Variants in CACNB2 observed in about 807,000 individuals in gnomAD.
The protein encoded by CACNB2 is calcium voltage-gated channel auxiliary subunit beta 2.
In CACNB2, 42 loss-of-function variants were observed where a neutral mutation model predicts 73.3. That is an observed-to-expected ratio of 0.57 (90% confidence interval 0.45 to 0.74). The LOEUF (loss-of-function observed/expected upper bound fraction) is 0.74, where lower values mean the gene tolerates loss of function less well. CACNB2 is among the 30% of genes least tolerant of loss of function. CACNB2 has a pLI of 0.00. For missense variants in CACNB2, 940 were observed against 853.0 expected (o/e 1.10, Z -1.27); for synonymous variants, 348 against 310.3 (o/e 1.12, Z -1.28).
chr10:18,348,887 G>A (rs1014897943), intron 2 of CACNB2, among the ~76,000 whole-genome samples: 17 of 152,194 alleles, frequency 1.1e-4, no homozygotes, highest in African/African-American at 3.6e-4. Context: ...AGGAGGCCAA[G>A]GTGGGAAGAT....
At chr10:18,230,843 C>CTTT (rs5783590) in intron 2 of CACNB2, among the ~76,000 whole-genome samples, 6,704 of 146,690 alleles carry the variant, frequency 0.046, 530 homozygotes, top group African/African-American at 0.16. Flanking sequence ...TTTTTTGTAG[C>CTTT]TTTTTTTTTT....
At chr10:18,217,556 A>G (rs865873616) in intron 2 of CACNB2, among the ~76,000 whole-genome samples, 3 of 152,066 alleles carry the variant, frequency 2.0e-5, no homozygotes, top group Non-Finnish European at 4.4e-5. Context: ...TGTTATAGAA[A>G]AAAAGAAAAT....
At chr10:18,243,745 C>T (rs2036751651) in intron 2 of CACNB2, among the ~76,000 whole-genome samples, 2 of 152,190 alleles carry the variant, frequency 1.3e-5, no homozygotes, top group Admixed American at 6.5e-5. Context: ...TCTACACACA[C>T]CTGATCCCCT....
In CACNB2 at chr10:18,140,509, G is replaced by T. The variant is rs990263898; in HGVS notation, c.-228G>T. ...CACCGCAGCCGCGCCCCCGCGTCCCGCCTCCCGAGCGGCTCGCTTCGCCCG... is the reference window on the plus strand; with the variant it reads ...CACCGCAGCCGCGCCCCCGCGTCCCTCCTCCCGAGCGGCTCGCTTCGCCCG... On this transcript the variant is annotated 5_prime_UTR_variant, in exon 1 of 14. Coordinates refer to ENST00000324631, the MANE Select transcript of CACNB2 (RefSeq NM_201596.3). Among the ~76,000 whole-genome samples, 1 of 151,584 alleles carries T rather than the reference G, an allele frequency of 6.6e-6. No homozygotes were observed. The highest frequency in any genetic ancestry group is 6.6e-5 in the Admixed American group (1 of 15,216).
intron 4 of CACNB2, among the ~76,000 whole-genome samples, chr10:18,499,722 T>G (rs2050082323): frequency 9.3e-6 from 1 of 107,198 alleles, no homozygotes; most frequent in Non-Finnish European, 2.2e-5. Context: ...TGGCTCATGC[T>G]TCCAAGCATT....
At chr10:18,411,271 A>G (rs2044611822) in intron 3 of CACNB2, among the ~76,000 whole-genome samples, 1 of 152,162 alleles carries the variant, frequency 6.6e-6, no homozygotes, top group South Asian at 2.1e-4. Flanking sequence ...ATAAATAAAA[A>G]GAGTGCAGAA....
chr10:18,487,003 G>C (rs1221202134), intron 3 of CACNB2, among the ~76,000 whole-genome samples: 1 of 152,288 alleles, frequency 6.6e-6, no homozygotes, highest in African/African-American at 2.4e-5. Flanking sequence ...TGCGTCATCT[G>C]GTTTCATGGT....
intron 2 of CACNB2, among the ~76,000 whole-genome samples, chr10:18,335,326 G>T (rs969536865): frequency 6.6e-6 from 1 of 152,154 alleles, no homozygotes; most frequent in East Asian, 1.9e-4. Flanking sequence ...TGTAATCCCA[G>T]CGCTTTGGGA....
In CACNB2 at chr10:18,140,758, A is replaced by C; in HGVS notation, c.22A>C (p.Lys8Gln). MVQRDMSKSPPTAAAAVA... is the reference protein window; with the variant it reads MVQRDMSQSPPTAAAAVA... ...GCCAATGGTCCAAAGGGACATGTCC[A>C]AGTCGCCTCCCACAGCGGCGGCGGC... The change falls in exon 1 of 14, where the codon AAG becomes CAG. Residue 8 changes from lysine to glutamine, a missense_variant. Coordinates refer to ENST00000324631, the MANE Select transcript of CACNB2 (RefSeq NM_201596.3). The C allele has an allele frequency of 1.3e-6, 2 of 1,595,734 alleles. No individual in the cohort carries two copies. Among genetic ancestry groups the C allele is most frequent in the Non-Finnish European group, 1.7e-6 (2 of 1,172,794 alleles).
intron 3 of CACNB2, among the ~76,000 whole-genome samples, chr10:18,424,488 C>T (rs750399829): frequency 1.3e-5 from 2 of 152,066 alleles, no homozygotes; most frequent in Non-Finnish European, 2.9e-5. Flanking sequence ...CACTGGTGGG[C>T]GTGTCTGATT....
At chr10:18,146,414 A>G (rs932865857) in intron 1 of CACNB2, among the ~76,000 whole-genome samples, 3 of 150,654 alleles carry the variant, frequency 2.0e-5, no homozygotes, top group African/African-American at 4.9e-5. Context: ...TGTTGAAGCA[A>G]TTGTCCTGCC....
At chr10:18,486,259 T>G (rs2132889551) in intron 3 of CACNB2, among the ~76,000 whole-genome samples, 1 of 152,324 alleles carries the variant, frequency 6.6e-6, no homozygotes, top group South Asian at 2.1e-4. Flanking sequence ...TGCATTGTGT[T>G]ATAGCGTTCA....
chr10:18,539,862 TTGAATAGCAATAGCA>T lies in CACNB2; in HGVS notation c.*141_*155del. On this transcript the variant is annotated 3_prime_UTR_variant, in exon 14 of 14. Transcript: ENST00000324631. ...TAATATTTTGTATTATTGCTGTTGC[TTGAATAGCAATAGCA>T]TGGATAGAGTATTGAGATACTTTTT... 1 of 917,060 alleles carries T rather than the reference TTGAATAGCAATAGCA, an allele frequency of 1.1e-6. No individual in the cohort carries two copies. Among genetic ancestry groups the T allele is most frequent in the Non-Finnish European group, 1.6e-6 (1 of 612,546 alleles). 56.8% of individuals were successfully genotyped at this position (917,060 alleles called of 1,614,324 possible).
chr10:18,481,935 G>A (rs939372833), intron 3 of CACNB2, among the ~76,000 whole-genome samples: 1 of 152,164 alleles, frequency 6.6e-6, no homozygotes, highest in Non-Finnish European at 1.5e-5. Context: ...AGGCTGGAGG[G>A]CTGGAGTGCA....
At chr10:18,354,098 T>C (rs1271754051) in intron 2 of CACNB2, among the ~76,000 whole-genome samples, 1 of 152,118 alleles carries the variant, frequency 6.6e-6, no homozygotes, top group East Asian at 1.9e-4. Context: ...TTATCCAGAG[T>C]CAAATCCCTG....
chr10:18,200,639 A>G (rs1156854445), intron 2 of CACNB2, among the ~76,000 whole-genome samples: 1 of 152,136 alleles, frequency 6.6e-6, no homozygotes. Context: ...GAATTAGTCT[A>G]CCTTTTTCCC....
At chr10:18,332,585 A>G (rs2040847751) in intron 2 of CACNB2, among the ~76,000 whole-genome samples, 1 of 152,188 alleles carries the variant, frequency 6.6e-6, no homozygotes, top group African/African-American at 2.4e-5. Flanking sequence ...TGAGAAGTGA[A>G]CATTTCAGGA....
At chr10:18,358,364 A>T (rs563787209) in intron 2 of CACNB2, among the ~76,000 whole-genome samples, 4 of 152,328 alleles carry the variant, frequency 2.6e-5, no homozygotes, top group African/African-American at 9.6e-5. Flanking sequence ...CTGGGATTAC[A>T]GGTGTGAGCC....
chr10:18,333,407 A>G (rs1322047804), intron 2 of CACNB2, among the ~76,000 whole-genome samples: 3 of 151,780 alleles, frequency 2.0e-5, no homozygotes, highest in Non-Finnish European at 4.4e-5. Context: ...CTTCTCAGTC[A>G]ATAGCAATAG....
Sources: gnomAD v4.1 joint callset for allele counts (sites outside exome capture counted in the v4.1 genomes callset) on GRCh38, gnomAD v4.1.1 for gene constraint, MANE v1.5 for transcripts, NCBI Gene and HGNC (gene_info 2026-07-23, HGNC 2026-07-21) for gene names.